The following MICU3 variants were observed in gnomAD, a reference collection of about 807,000 sequenced individuals.
MICU3 encodes mitochondrial calcium uptake 3.
A neutral mutation model predicts 66.5 loss-of-function variants in MICU3; 62 were observed. The ratio of observed to expected loss-of-function variants is 0.93; its 90% CI spans 0.76 to 1.15. The LOEUF (loss-of-function observed/expected upper bound fraction) is 1.15, where lower values mean the gene tolerates loss of function less well. Among genes scored for constraint, MICU3 ranks in the 50% most tolerant of loss-of-function variants. The pLI is 0.00. For synonymous variants in MICU3, 308 were observed against 240.7 expected (o/e 1.28, Z -2.59); for missense variants, 779 against 664.4 (o/e 1.17, Z -1.90).
At position 17,097,399 on chromosome 8, in the gene MICU3, CTG is replaced by C. The variant is rs531199869; in HGVS notation, c.889-1055_889-1054del. Among the ~76,000 whole-genome samples, 125 of 151,618 alleles carry C rather than the reference CTG, an allele frequency of 8.2e-4. No individual in the cohort carries two copies. In the East Asian group the frequency reaches 0.018, roughly 22 times the overall value. ...TTTATAGTTATGGTAATATTTATGT[CTG>C]TGTTATGTAAATGGTTCCTGCTAAA... On this transcript the variant is annotated intron_variant, in intron 8 of 14. Coordinates refer to ENST00000318063, the MANE Select transcript of MICU3 (RefSeq NM_181723.3).
At chr8:17,040,179 A>G (rs1166207734) in intron 1 of MICU3, among the ~76,000 whole-genome samples, 1 of 152,116 alleles carries the variant, frequency 6.6e-6, no homozygotes, top group African/African-American at 2.4e-5. Context: ...AAGTGTTGGG[A>G]TTATAGGCAT....
At chr8:17,086,394 C>T (rs879668695) in intron 6 of MICU3, among the ~76,000 whole-genome samples, 1 of 152,058 alleles carries the variant, frequency 6.6e-6, no homozygotes, top group Admixed American at 6.6e-5. Flanking sequence ...AAACTCTCAC[C>T]CACGCAGCCC....
chr8:17,095,442 T>A (rs1800569076), intron 8 of MICU3, among the ~76,000 whole-genome samples: 1 of 151,942 alleles, frequency 6.6e-6, no homozygotes, highest in Non-Finnish European at 1.5e-5. Context: ...ATGGTTGTCA[T>A]AGTGACACGA....
chr8:17,057,819 G>GT (rs1358256202), intron 1 of MICU3, among the ~76,000 whole-genome samples: 1 of 150,712 alleles, frequency 6.6e-6, no homozygotes, highest in African/African-American at 2.4e-5. Context: ...CCTTTTTTTC[G>GT]TTTTTTGTTG....
chr8:17,078,525 A>G (rs1357042944), intron 4 of MICU3, among the ~76,000 whole-genome samples: 1 of 152,092 alleles, frequency 6.6e-6, no homozygotes, highest in Non-Finnish European at 1.5e-5. Context: ...TTTAATCTTA[A>G]AAAGTAATAT....
chr8:17,076,295 A>G (rs1009116426), intron 3 of MICU3, among the ~76,000 whole-genome samples: 10 of 152,156 alleles, frequency 6.6e-5, no homozygotes, highest in African/African-American at 2.2e-4. Context: ...TCAGCCTCCC[A>G]AAGTGCTGAG....
chr8:17,036,860 C>T (rs767637934), intron 1 of MICU3, among the ~76,000 whole-genome samples: 9 of 152,328 alleles, frequency 5.9e-5, no homozygotes, highest in East Asian at 3.9e-4. Context: ...GGCACCGTGG[C>T]GCAGGGGGTG....
intron 4 of MICU3, among the ~76,000 whole-genome samples, chr8:17,080,312 G>A (rs367865463): frequency 1.3e-5 from 2 of 151,886 alleles, no homozygotes; most frequent in African/African-American, 4.8e-5. Context: ...ACAGACAAAC[G>A]CCTACCATGA....
intron 10 of MICU3, 137 bp downstream of exon 10, chr8:17,104,628 C>G (rs550280314): frequency 4.4e-4 from 182 of 414,740 alleles, no homozygotes; most frequent in African/African-American, 3.3e-3. Context: ...TAATAAATAC[C>G]CACATTTATC....
intron 1 of MICU3, among the ~76,000 whole-genome samples, chr8:17,047,328 G>A (rs1049501756): frequency 6.6e-6 from 1 of 152,106 alleles, no homozygotes; most frequent in East Asian, 1.9e-4. Flanking sequence ...ACACAGAAAT[G>A]AAGATATGTC....
intron 1 of MICU3, among the ~76,000 whole-genome samples, chr8:17,035,204 T>A (rs1412211457): frequency 6.6e-6 from 1 of 152,234 alleles, no homozygotes; most frequent in East Asian, 1.9e-4. Context: ...ATTAAACATC[T>A]TTCCTTTATA....
At chr8:17,037,267 A>G (rs1813198245) in intron 1 of MICU3, among the ~76,000 whole-genome samples, 1 of 152,182 alleles carries the variant, frequency 6.6e-6, no homozygotes, top group Non-Finnish European at 1.5e-5. Flanking sequence ...GGGCTCCCAC[A>G]GTGCAGCGGC....
rs1454119012 is a variant in MICU3 at position 17,098,457 on chromosome 8, G to C, written c.889-1G>C. ...AGTTGTGCTTCTTAAAACTTCTACA[G>C]GTACTTAAAACAGATGCTGAGGAAC... On this transcript the variant is annotated splice_acceptor_variant, in intron 8 of 14. Transcript: ENST00000318063. LOFTEE classifies it high-confidence loss of function. The C allele has an allele frequency of 6.3e-7, 1 of 1,591,838 alleles. No homozygotes were observed. Among genetic ancestry groups the C allele is most frequent in the Non-Finnish European group, 8.6e-7 (1 of 1,160,372 alleles).
intron 3 of MICU3, among the ~76,000 whole-genome samples, chr8:17,075,427 T>A (rs1820233628): frequency 6.6e-6 from 1 of 152,110 alleles, no homozygotes; most frequent in Non-Finnish European, 1.5e-5. Context: ...GTCATCTCCT[T>A]AGCATAAACT....
At chr8:17,030,458 A>T (rs1168245056) in intron 1 of MICU3, among the ~76,000 whole-genome samples, 2 of 151,842 alleles carry the variant, frequency 1.3e-5, no homozygotes, top group Non-Finnish European at 2.9e-5. Flanking sequence ...AATAGGAGAG[A>T]TGAGAGGTGC....
chr8:17,075,519 A>C (rs1820250642), intron 3 of MICU3, among the ~76,000 whole-genome samples: 2 of 152,162 alleles, frequency 1.3e-5, no homozygotes, highest in Admixed American at 1.3e-4. Context: ...GCACTGCTAC[A>C]TACGAAACCA....
At chr8:17,052,623 G>C (rs1487141161) in intron 1 of MICU3, among the ~76,000 whole-genome samples, 2 of 152,078 alleles carry the variant, frequency 1.3e-5, no homozygotes, top group Non-Finnish European at 2.9e-5. Flanking sequence ...TCTCAGCCAG[G>C]GAAGTACTAT....
intron 3 of MICU3, among the ~76,000 whole-genome samples, chr8:17,070,162 G>C (rs1469471056): frequency 6.6e-6 from 1 of 151,644 alleles, no homozygotes; most frequent in Non-Finnish European, 1.5e-5. Flanking sequence ...ATATACCTAG[G>C]GAAATTCTTG....
rs147828798 is a variant in MICU3 at position 17,073,705 on chromosome 8, T to C, written c.567+3986T>C. 4.6e-5 allele frequency among the ~76,000 whole-genome samples: 7 copies of C among 152,270 alleles called. No individual in the cohort carries two copies. The East Asian group carries it at 1.4e-3, about 29-fold the overall frequency. ...AGGTTGGGGACTGCTGCTATATGTG[T>C]TTCCTGAACATCAATTGTAATAGCA... is the stretch of plus-strand genomic sequence containing the variant. On this transcript the variant is annotated intron_variant, in intron 3 of 14. Coordinates refer to ENST00000318063, the MANE Select transcript of MICU3 (RefSeq NM_181723.3).
Sources: allele counts gnomAD v4.1 joint callset (sites outside exome capture counted in the v4.1 genomes callset), GRCh38; gene constraint gnomAD v4.1.1; transcripts MANE v1.5; gene names NCBI Gene and HGNC (gene_info 2026-07-23, HGNC 2026-07-21).